COL21A1: variants seen among roughly 807,000 people sequenced by gnomAD.
COL21A1 encodes collagen type XXI alpha 1 chain.
Under a neutral mutation model 137.9 loss-of-function variants are expected in COL21A1, and 149 were observed. That is an observed-to-expected ratio of 1.08 (90% CI 0.95 to 1.24). COL21A1 has a LOEUF of 1.24. Ranked by LOEUF, COL21A1 falls within the 50% of genes most tolerant of loss-of-function variation. COL21A1 has a pLI of 0.00. For synonymous variants in COL21A1, 456 were observed against 391.5 expected (o/e 1.16, Z -1.95); for missense variants, 1,167 against 1,158.4 (o/e 1.01, Z -0.11).
intron 1 of COL21A1, among the ~76,000 whole-genome samples, chr6:56,232,879 G>T (rs1226823563): frequency 6.6e-6 from 1 of 151,900 alleles, no homozygotes; most frequent in Non-Finnish European, 1.5e-5. Flanking sequence ...AATATTGTCA[G>T]ATTAACACTG....
chr6:56,262,144 C>A (rs12525967), intron 1 of COL21A1, among the ~76,000 whole-genome samples: 2 of 152,024 alleles, frequency 1.3e-5, no homozygotes, highest in Non-Finnish European at 1.5e-5. Flanking sequence ...AATATGTTTC[C>A]TTTGCCTGAC....
chr6:56,075,412 G>C, intron 19 of COL21A1, 67 bp downstream of exon 19: 1 of 1,230,178 alleles, frequency 8.1e-7, no homozygotes, highest in South Asian at 1.5e-5. Context: ...TCTCGAATAT[G>C]AACTCCTAGT....
intron 1 of COL21A1, among the ~76,000 whole-genome samples, chr6:56,233,898 A>AC (rs1331447987): frequency 6.6e-6 from 1 of 151,914 alleles, no homozygotes; most frequent in Non-Finnish European, 1.5e-5. Flanking sequence ...AAGCTAAAAA[A>AC]CAATGAGGGG....
At chr6:56,188,742 G>T (rs1365882924) in intron 1 of COL21A1, among the ~76,000 whole-genome samples, 3 of 152,176 alleles carry the variant, frequency 2.0e-5, no homozygotes, top group Non-Finnish European at 2.9e-5. Context: ...CTGGCATCTG[G>T]CAGGTGCCCC....
chr6:56,226,915 T>A (rs1253227937), intron 1 of COL21A1, among the ~76,000 whole-genome samples: 24 of 152,100 alleles, frequency 1.6e-4, no homozygotes, highest in Non-Finnish European at 1.5e-5. Context: ...GTAGATAAGA[T>A]TCCCATCTCT....
At chr6:56,115,376 G>T (rs1314447623) in intron 16 of COL21A1, among the ~76,000 whole-genome samples, 1 of 151,804 alleles carries the variant, frequency 6.6e-6, no homozygotes, top group Non-Finnish European at 1.5e-5. Flanking sequence ...AAGAATCTCT[G>T]CCTGGTAATC....
intron 1 of COL21A1, among the ~76,000 whole-genome samples, chr6:56,241,203 G>T (rs1353156731): frequency 6.6e-6 from 1 of 152,134 alleles, no homozygotes; most frequent in Non-Finnish European, 1.5e-5. Flanking sequence ...TAACAAGACT[G>T]GTGCCCTCAG....
In COL21A1 at chr6:56,257,477, C is replaced by T. The variant is rs985840258; in HGVS notation, c.-38-74821G>A. Among the ~76,000 whole-genome samples the T allele has an allele frequency of 5.3e-5, 8 of 151,878 alleles. No homozygotes were observed. In the East Asian group the frequency reaches 1.4e-3, roughly 26 times the overall value. ...TATATGCAAGATATAAATATATGAA[C>T]ACATAAATATAATAGTAACACATTC... On this transcript the variant is annotated intron_variant, in intron 1 of 28. Transcript: ENST00000370819.
intron 1 of COL21A1, among the ~76,000 whole-genome samples, chr6:56,184,951 A>G (rs1778168205): frequency 6.6e-6 from 1 of 152,186 alleles, no homozygotes; most frequent in African/African-American, 2.4e-5. Context: ...AAGTCCTAAA[A>G]TACTTTGAAA....
intron 1 of COL21A1, among the ~76,000 whole-genome samples, chr6:56,352,171 C>CA (rs35506861): frequency 0.21 from 31,857 of 151,972 alleles, 3,904 homozygotes; most frequent in Middle Eastern, 0.33. Flanking sequence ...CCATGATGAA[C>CA]AAAATATCAC....
At chr6:56,244,331 A>G (rs1198608942) in intron 1 of COL21A1, among the ~76,000 whole-genome samples, 1 of 151,950 alleles carries the variant, frequency 6.6e-6, no homozygotes, top group African/African-American at 2.4e-5. Context: ...AACATCATAG[A>G]CTCTCTTAGC....
chr6:56,315,984 C>T (rs907821993), intron 1 of COL21A1, among the ~76,000 whole-genome samples: 2 of 152,240 alleles, frequency 1.3e-5, no homozygotes, highest in South Asian at 4.1e-4. Flanking sequence ...TAAATATATA[C>T]AATTTTTATT....
intron 10 of COL21A1, among the ~76,000 whole-genome samples, chr6:56,153,384 T>G (rs1561923142): frequency 6.6e-6 from 1 of 152,156 alleles, no homozygotes; most frequent in Non-Finnish European, 1.5e-5. Context: ...TGCCTATGGA[T>G]TTTCCTCCTG....
chr6:56,234,790 C>T (rs1781796940), intron 1 of COL21A1, among the ~76,000 whole-genome samples: 1 of 151,788 alleles, frequency 6.6e-6, no homozygotes, highest in African/African-American at 2.4e-5. Flanking sequence ...CATGCTTTCT[C>T]ATATTCATCT....
intron 1 of COL21A1, among the ~76,000 whole-genome samples, chr6:56,260,651 G>GGAAA (rs1763238410): frequency 1.6e-5 from 1 of 62,334 alleles, no homozygotes; most frequent in East Asian, 3.5e-4. Context: ...AAGGAAGGAA[G>GGAAA]GAAGGAATGA....
At chr6:56,134,796 C>T (rs1261616334) in intron 12 of COL21A1, among the ~76,000 whole-genome samples, 1 of 152,168 alleles carries the variant, frequency 6.6e-6, no homozygotes, top group African/African-American at 2.4e-5. Flanking sequence ...TTCTCTTTGC[C>T]TGCTGCCATC....
chr6:56,128,046 A>C (rs1403900078), intron 12 of COL21A1, among the ~76,000 whole-genome samples: 2 of 152,128 alleles, frequency 1.3e-5, no homozygotes, highest in Non-Finnish European at 2.9e-5. Context: ...GTGGACACAC[A>C]ATTGTGCTGG....
At chr6:56,154,908 CAA>C (rs1775625497) in intron 10 of COL21A1, among the ~76,000 whole-genome samples, 1 of 152,084 alleles carries the variant, frequency 6.6e-6, no homozygotes, top group African/African-American at 2.4e-5. Context: ...AAAATTTCCC[CAA>C]GTTTGCTTTC....
At position 56,097,986 on chromosome 6, in the gene COL21A1, T is replaced by TATATAAATATATAA. The variant is rs1315609223; in HGVS notation, c.1812+3485_1812+3486insTTATATATTTATAT. Among the ~76,000 whole-genome samples the TATATAAATATATAA allele has an allele frequency of 7.6e-4, 35 of 45,916 alleles. 2 individuals are homozygous for TATATAAATATATAA. Among genetic ancestry groups the TATATAAATATATAA allele is most frequent in the African/African-American group, 2.9e-3 (23 of 7,888 alleles). 30.1% of individuals were successfully genotyped at this position (45,916 alleles called of 152,430 possible). ...ATATAAATATATAAATATATATAAATATATATGTAAATATATAAATATATA... is the reference window on the plus strand; with the variant it reads ...ATATAAATATATAAATATATATAAATATATAAATATATAAATATATGTAAATATATAAATATATA... On this transcript the variant is annotated intron_variant, in intron 17 of 29. Coordinates refer to ENST00000244728, the MANE Select transcript of COL21A1 (RefSeq NM_030820.4).
Sources: allele counts gnomAD v4.1 joint callset (sites outside exome capture counted in the v4.1 genomes callset), GRCh38; gene constraint gnomAD v4.1.1; transcripts MANE v1.5; gene names NCBI Gene and HGNC (gene_info 2026-07-23, HGNC 2026-07-21).